Variants in NELL1 observed in about 807,000 individuals in gnomAD.
NELL1 encodes the protein neural EGFL like 1.
NELL1 carries 76 observed loss-of-function variants against 107.4 expected under a neutral mutation model. That is an observed-to-expected ratio of 0.71 (90% CI 0.59 to 0.86). NELL1 has a LOEUF of 0.86. Ranked by LOEUF, NELL1 falls within the 40% of genes least tolerant of loss-of-function variation. The pLI is 0.00. For synonymous variants in NELL1, 353 were observed against 341.2 expected, an observed-to-expected ratio of 1.03 and a Z score of -0.38; for missense variants, 1,024 against 1,005.5, an observed-to-expected ratio of 1.02 and a Z score of -0.25.
chr11:21,136,523 G>T (rs759341841), intron 13 of NELL1, among the ~76,000 whole-genome samples: 1 of 152,086 alleles, frequency 6.6e-6, no homozygotes, highest in Non-Finnish European at 1.5e-5. Flanking sequence ...GTAGAGTAAG[G>T]GTAGTTGGGT....
chr11:20,687,148 T>C (rs989127730), intron 2 of NELL1, among the ~76,000 whole-genome samples: 4 of 151,616 alleles, frequency 2.6e-5, no homozygotes, highest in African/African-American at 9.7e-5. Context: ...AGTATATGAG[T>C]TTTGTCTAAA....
intron 13 of NELL1, among the ~76,000 whole-genome samples, chr11:21,133,751 G>T (rs549012782): frequency 1.3e-4 from 19 of 150,220 alleles, no homozygotes; most frequent in African/African-American, 4.4e-4. Flanking sequence ...GGGGGTGGGG[G>T]ATGGGCTTTG....
chr11:21,315,889 GA>G (rs1276202564), intron 14 of NELL1, among the ~76,000 whole-genome samples: 4 of 32,388 alleles, frequency 1.2e-4, no homozygotes, highest in African/African-American at 5.4e-4. Flanking sequence ...GTGGTGGTGT[GA>G]GTGTGTGTGT....
chr11:20,883,074 C>G (rs1849439980), intron 4 of NELL1, among the ~76,000 whole-genome samples: 2 of 152,032 alleles, frequency 1.3e-5, no homozygotes, highest in Non-Finnish European at 2.9e-5. Flanking sequence ...TTTGTTGATT[C>G]CACCTGCTGC....
intron 15 of NELL1, among the ~76,000 whole-genome samples, chr11:21,448,014 T>C (rs1237132397): frequency 1.3e-5 from 2 of 152,178 alleles, no homozygotes; most frequent in Non-Finnish European, 1.5e-5. Context: ...CACAATCGCT[T>C]TTCTCTCCTT....
chr11:21,552,745 C>T (rs1856621934), intron 16 of NELL1, among the ~76,000 whole-genome samples: 1 of 151,694 alleles, frequency 6.6e-6, no homozygotes, highest in Admixed American at 6.6e-5. Flanking sequence ...TAAAATCTTC[C>T]AAGAAAAGAC....
chr11:21,241,702 T>G (rs764990851), intron 14 of NELL1, among the ~76,000 whole-genome samples: 33 of 152,138 alleles, frequency 2.2e-4, no homozygotes, highest in Non-Finnish European at 4.1e-4. Flanking sequence ...TGTGTGGTTC[T>G]CACTTGCCTG....
chr11:21,211,848 T>G (rs1857504516), intron 13 of NELL1, among the ~76,000 whole-genome samples: 2 of 152,072 alleles, frequency 1.3e-5, no homozygotes, highest in Admixed American at 6.6e-5. Context: ...GTTTTTGAGA[T>G]GGAGTCTCTC....
intron 4 of NELL1, among the ~76,000 whole-genome samples, chr11:20,873,141 T>C (rs1849236594): frequency 6.6e-6 from 1 of 152,102 alleles, no homozygotes; most frequent in South Asian, 2.1e-4. Context: ...CATCAGCAAG[T>C]GTTTTGGAGG....
At chr11:21,511,412 C>T (rs975617817) in intron 15 of NELL1, among the ~76,000 whole-genome samples, 1 of 152,134 alleles carries the variant, frequency 6.6e-6, no homozygotes, top group Admixed American at 6.6e-5. Context: ...CTGCCATTCT[C>T]ACCAACGGCA....
intron 15 of NELL1, among the ~76,000 whole-genome samples, chr11:21,390,510 A>AACACACACACACACAC (rs60248049): frequency 7.0e-6 from 1 of 142,774 alleles, no homozygotes; most frequent in Non-Finnish European, 1.5e-5. Context: ...TGTGTGGATG[A>AACACACACACACACAC]ACACACACAC....
chr11:20,726,833 G>A (rs1250822324), intron 2 of NELL1, among the ~76,000 whole-genome samples: 1 of 151,484 alleles, frequency 6.6e-6, no homozygotes, highest in Non-Finnish European at 1.5e-5. Context: ...ACCTATGAGT[G>A]AGAACATGCA....
intron 12 of NELL1, among the ~76,000 whole-genome samples, chr11:21,007,085 G>C (rs1211376833): frequency 6.6e-6 from 1 of 152,018 alleles, no homozygotes; most frequent in Non-Finnish European, 1.5e-5. Context: ...ACAAGAATAG[G>C]CCTGTTCTCT....
At chr11:20,755,567 T>A (rs866504920) in intron 2 of NELL1, among the ~76,000 whole-genome samples, 96 of 120,008 alleles carry the variant, frequency 8.0e-4, no homozygotes, top group South Asian at 6.8e-3. Context: ...TTTTTGTTTT[T>A]TTTTTTTTGA....
At chr11:20,859,809 GT>G in intron 4 of NELL1, among the ~76,000 whole-genome samples, 1 of 11,080 alleles carries the variant, frequency 9.0e-5, no homozygotes, top group Non-Finnish European at 4.6e-4. Flanking sequence ...AGCACAGGAG[GT>G]AGGCGAACAT....
intron 15 of NELL1, among the ~76,000 whole-genome samples, chr11:21,530,997 C>G (rs534609016): frequency 1.3e-3 from 196 of 152,178 alleles, no homozygotes; most frequent in South Asian, 7.3e-3. Context: ...AAAATGTTGT[C>G]TGTTTTCTTG....
intron 17 of NELL1, among the ~76,000 whole-genome samples, chr11:21,564,043 G>A (rs1856913384): frequency 6.6e-6 from 1 of 151,882 alleles, no homozygotes; most frequent in African/African-American, 2.4e-5. Context: ...ATTATGATGA[G>A]CCAGGAGATT....
chr11:20,851,721 A>C (rs1372044060), intron 4 of NELL1, among the ~76,000 whole-genome samples: 1 of 152,176 alleles, frequency 6.6e-6, no homozygotes, highest in Admixed American at 6.5e-5. Flanking sequence ...TATTGGGTAC[A>C]CTATCTCTGC....
intron 2 of NELL1, among the ~76,000 whole-genome samples, chr11:20,745,416 G>A (rs1419770865): frequency 6.6e-6 from 1 of 152,136 alleles, no homozygotes; most frequent in Non-Finnish European, 1.5e-5. Context: ...GCAATCGAAA[G>A]CCATGATCAA....
Sources: gnomAD v4.1 joint callset for allele counts (sites outside exome capture counted in the v4.1 genomes callset) on GRCh38, gnomAD v4.1.1 for gene constraint, MANE v1.5 for transcripts, NCBI Gene and HGNC (gene_info 2026-07-23, HGNC 2026-07-21) for gene names.